Variants in SYT6 observed in about 807,000 individuals in gnomAD.
The protein encoded by SYT6 is synaptotagmin 6.
A neutral mutation model predicts 38.4 loss-of-function variants in SYT6; 24 were observed. The ratio of observed to expected loss-of-function variants is 0.62; its 90% CI spans 0.45 to 0.88. The LOEUF is 0.88. Ranked by LOEUF, SYT6 falls within the 40% of genes least tolerant of loss-of-function variation. The pLI, the probability that SYT6 is intolerant of heterozygous loss-of-function variation, is 0.00. For synonymous variants in SYT6, 265 were observed against 241.9 expected, an observed-to-expected ratio of 1.10 and a Z score of -0.89; for missense variants, 611 against 621.0, an observed-to-expected ratio of 0.98 and a Z score of 0.17.
chr1:114,123,099 T>C (rs6686342), intron 3 of SYT6, among the ~76,000 whole-genome samples: 102,207 of 152,034 alleles, frequency 0.67, 34,925 homozygotes, highest in East Asian at 0.85. Flanking sequence ...ATTGATCCTG[T>C]GAGGGGCTGG....
rs377724391 is a variant in SYT6 at position 114,105,312 on chromosome 1, C to CA, written c.1072-1592_1072-1591insT. ...TGGAGACTCCTACAGCCCTGTTCCC[C>CA]CCCTGGAGAATAAGCCAAGGCCCTG... On this transcript the variant is annotated intron_variant, in intron 3 of 7. Coordinates refer to ENST00000610222, the MANE Select transcript of SYT6 (RefSeq NM_001253772.2). Among the ~76,000 whole-genome samples the CA allele has an allele frequency of 1.1e-4, 16 of 150,630 alleles. No homozygotes were observed. The East Asian group carries it at 2.4e-3, about 23-fold the overall frequency.
chr1:114,130,447 A>G lies in SYT6; in HGVS notation c.1071+7048T>C, dbSNP rs1325027089. Among the ~76,000 whole-genome samples, 8 of 151,942 alleles carry G rather than the reference A, an allele frequency of 5.3e-5. No homozygotes were observed. In the East Asian group the frequency reaches 1.5e-3, roughly 29 times the overall value. On this transcript the variant is annotated intron_variant, in intron 3 of 7. Transcript: ENST00000610222. ...TCCTTTCTCTTGATCTCCTCCTGCTAGGTGCTCTTTGCTGCCTGACCCTCT... is the reference window on the plus strand; with the variant it reads ...TCCTTTCTCTTGATCTCCTCCTGCTGGGTGCTCTTTGCTGCCTGACCCTCT...
At chr1:114,113,751 C>G (rs1676828062) in intron 3 of SYT6, among the ~76,000 whole-genome samples, 3 of 152,202 alleles carry the variant, frequency 2.0e-5, no homozygotes, top group Admixed American at 2.0e-4. Context: ...CAGCCGCCTC[C>G]TATCTGCCTT....
chr1:114,147,570 G>T (rs1485846160), intron 1 of SYT6, among the ~76,000 whole-genome samples: 1 of 152,188 alleles, frequency 6.6e-6, no homozygotes, highest in African/African-American at 2.4e-5. Context: ...TTGTACAGGG[G>T]CACATGGCTT....
intron 3 of SYT6, among the ~76,000 whole-genome samples, chr1:114,133,766 C>T (rs1557759650): frequency 6.6e-6 from 1 of 152,202 alleles, no homozygotes; most frequent in East Asian, 1.9e-4. Flanking sequence ...GCCAGTGGGG[C>T]ATGTTAGCTG....
At chr1:114,118,060 C>A (rs533177112) in intron 3 of SYT6, among the ~76,000 whole-genome samples, 4 of 152,196 alleles carry the variant, frequency 2.6e-5, no homozygotes, top group Non-Finnish European at 5.9e-5. Context: ...CCTGACAATG[C>A]CTCACTGGAA....
At chr1:114,128,928 G>A (rs752516135) in intron 3 of SYT6, among the ~76,000 whole-genome samples, 23 of 152,022 alleles carry the variant, frequency 1.5e-4, no homozygotes, top group African/African-American at 4.8e-4. Flanking sequence ...TTTATATGCC[G>A]ACATCTCCAA....
intron 3 of SYT6, among the ~76,000 whole-genome samples, chr1:114,137,095 AT>A (rs1678523403): frequency 1.3e-5 from 2 of 152,240 alleles, no homozygotes; most frequent in East Asian, 3.8e-4. Context: ...TGAACAAGGC[AT>A]AAACTTTGGT....
chr1:114,116,989 C>A (rs139093131), intron 3 of SYT6, among the ~76,000 whole-genome samples: 1 of 152,312 alleles, frequency 6.6e-6, no homozygotes, highest in African/African-American at 2.4e-5. Flanking sequence ...TCTAGACCCA[C>A]GACTAATCAT....
intron 3 of SYT6, among the ~76,000 whole-genome samples, chr1:114,107,964 C>G (rs1676430410): frequency 6.6e-6 from 1 of 152,242 alleles, no homozygotes; most frequent in Admixed American, 6.5e-5. Context: ...AATGAGCTCT[C>G]TGGTGCAGGA....
At chr1:114,118,642 C>T (rs1169579161) in intron 3 of SYT6, among the ~76,000 whole-genome samples, 1 of 152,222 alleles carries the variant, frequency 6.6e-6, no homozygotes, top group African/African-American at 2.4e-5. Flanking sequence ...TGCAGAGGGG[C>T]CTGCTGCTCC....
intron 1 of SYT6, among the ~76,000 whole-genome samples, chr1:114,140,882 T>C (rs1388729650): frequency 6.6e-6 from 1 of 152,224 alleles, no homozygotes; most frequent in Non-Finnish European, 1.5e-5. Flanking sequence ...TTATGGTTGT[T>C]ATGGTGATCT....
At chr1:114,107,301 C>A (rs1286543715) in intron 3 of SYT6, among the ~76,000 whole-genome samples, 1 of 152,236 alleles carries the variant, frequency 6.6e-6, no homozygotes, top group Non-Finnish European at 1.5e-5. Flanking sequence ...GACCCGCAGA[C>A]CTCCCTGGTT....
At chr1:114,119,419 A>C (rs1677236047) in intron 3 of SYT6, among the ~76,000 whole-genome samples, 1 of 152,244 alleles carries the variant, frequency 6.6e-6, no homozygotes, top group African/African-American at 2.4e-5. Flanking sequence ...ATAAGGAAGA[A>C]CTTTAAAGAT....
At chr1:114,129,665 C>CTT (rs1678021421) in intron 3 of SYT6, among the ~76,000 whole-genome samples, 1 of 103,014 alleles carries the variant, frequency 9.7e-6, no homozygotes, top group Admixed American at 1.1e-4. Context: ...TTCTTTCTTT[C>CTT]TTTCTTTCTT....
intron 1 of SYT6, among the ~76,000 whole-genome samples, chr1:114,148,106 A>G (rs1171967227): frequency 6.6e-6 from 1 of 152,138 alleles, no homozygotes; most frequent in Non-Finnish European, 1.5e-5. Flanking sequence ...GTGATGGCCC[A>G]TGGTCTCCCT....
At chr1:114,139,542 G>C in intron 2 of SYT6, 73 bp downstream of exon 2, 1 of 1,578,802 alleles carries the variant, frequency 6.3e-7, no homozygotes, top group Non-Finnish European at 8.6e-7. Context: ...ATCCCCACAG[G>C]CTGGAATCCC....
intron 3 of SYT6, among the ~76,000 whole-genome samples, chr1:114,121,605 G>A (rs760535717): frequency 2.3e-4 from 35 of 152,190 alleles, no homozygotes; most frequent in Admixed American, 2.6e-4. Flanking sequence ...AAATAAGAAT[G>A]TAATACTTTA....
chr1:114,138,324 T>C (rs899626775), intron 2 of SYT6, among the ~76,000 whole-genome samples: 3 of 152,228 alleles, frequency 2.0e-5, no homozygotes, highest in Admixed American at 2.0e-4. Flanking sequence ...ATAATCACTT[T>C]TTCCTGCTTT....
Sources: allele counts gnomAD v4.1 joint callset (sites outside exome capture counted in the v4.1 genomes callset), GRCh38; gene constraint gnomAD v4.1.1; transcripts MANE v1.5; gene names NCBI Gene and HGNC (gene_info 2026-07-23, HGNC 2026-07-21).